RNLS: variants seen among roughly 807,000 people sequenced by gnomAD.
The protein encoded by RNLS is renalase.
A neutral mutation model predicts 39.8 loss-of-function variants in RNLS; 39 were observed. The observed-to-expected ratio is 0.98, with a 90% CI of 0.76 to 1.28. RNLS has a LOEUF of 1.28. Ranked by LOEUF, RNLS falls within the 50% of genes most tolerant of loss-of-function variation. The pLI, the probability that RNLS is intolerant of heterozygous loss-of-function variation, is 0.00. For synonymous variants in RNLS, 147 were observed against 150.7 expected (o/e 0.98, Z 0.18); for missense variants, 410 against 413.3 (o/e 0.99, Z 0.07).
intron 4 of RNLS, among the ~76,000 whole-genome samples, chr10:88,570,616 C>T (rs1400777157): frequency 2.0e-5 from 3 of 152,218 alleles, no homozygotes; most frequent in Non-Finnish European, 2.9e-5. Flanking sequence ...ATCCAAGATG[C>T]TGCAATTCCC....
intron 6 of RNLS, among the ~76,000 whole-genome samples, chr10:88,309,909 G>T (rs143694651): frequency 1.3e-5 from 2 of 152,244 alleles, no homozygotes; most frequent in African/African-American, 4.8e-5. Flanking sequence ...GTAAAGATTG[G>T]AGTTATTTTA....
chr10:88,418,302 G>C (rs927204073), intron 4 of RNLS, among the ~76,000 whole-genome samples: 1 of 152,042 alleles, frequency 6.6e-6, no homozygotes, highest in Non-Finnish European at 1.5e-5. Flanking sequence ...AAAGCTCAGA[G>C]GTAAAATGAC....
chr10:88,292,297 G>C (rs1843725188), intron 6 of RNLS, among the ~76,000 whole-genome samples: 1 of 150,620 alleles, frequency 6.6e-6, no homozygotes, highest in South Asian at 2.1e-4. Context: ...ATATCTTTGT[G>C]GTTTCACCAT....
chr10:88,254,049 A>G, the RNLS span, among the ~76,000 whole-genome samples: 1 of 152,238 alleles, frequency 6.6e-6, no homozygotes, highest in Non-Finnish European at 1.5e-5. Context: ...TGATCATAAT[A>G]TATATGCAAT....
chr10:88,464,913 G>C (rs1214226781), intron 4 of RNLS, among the ~76,000 whole-genome samples: 2 of 152,018 alleles, frequency 1.3e-5, no homozygotes, highest in African/African-American at 4.8e-5. Flanking sequence ...GACATCAGTG[G>C]GCCTGTTTAT....
intron 6 of RNLS, among the ~76,000 whole-genome samples, chr10:88,291,261 A>C (rs558663656): frequency 6.6e-6 from 1 of 152,174 alleles, no homozygotes; most frequent in Non-Finnish European, 1.5e-5. Context: ...AGGACTTCTA[A>C]TGTCTTTAGC....
chr10:88,312,596 T>C (rs1845457070), intron 6 of RNLS, among the ~76,000 whole-genome samples: 1 of 152,178 alleles, frequency 6.6e-6, no homozygotes, highest in African/African-American at 2.4e-5. Flanking sequence ...CTGTGGGGAT[T>C]GAAGGAAGTT....
chr10:88,187,562 G>A, the RNLS span, among the ~76,000 whole-genome samples: 1 of 152,114 alleles, frequency 6.6e-6, no homozygotes, highest in Non-Finnish European at 1.5e-5. Context: ...TTGTCATGGT[G>A]GCCTTGAAAG....
At chr10:88,205,523 T>C in the RNLS span, among the ~76,000 whole-genome samples, 13 of 152,160 alleles carry the variant, frequency 8.5e-5, no homozygotes, top group Non-Finnish European at 1.5e-4. Flanking sequence ...CTTGGATTAG[T>C]TGCAAGAATC....
At chr10:88,577,199 A>G (rs75563594) in intron 3 of RNLS, among the ~76,000 whole-genome samples, 1 of 152,310 alleles carries the variant, frequency 6.6e-6, no homozygotes, top group East Asian at 1.9e-4. Context: ...CTAGGGGCAC[A>G]GGGAACTATG....
At chr10:88,522,658 A>G (rs776481730) in intron 4 of RNLS, among the ~76,000 whole-genome samples, 4 of 152,110 alleles carry the variant, frequency 2.6e-5, no homozygotes, top group Non-Finnish European at 5.9e-5. Flanking sequence ...CCCACAAACT[A>G]AAAATTTCTC....
At chr10:88,411,049 A>G (rs1036833313) in intron 4 of RNLS, among the ~76,000 whole-genome samples, 1 of 152,138 alleles carries the variant, frequency 6.6e-6, no homozygotes, top group Non-Finnish European at 1.5e-5. Context: ...CTAAATTCTC[A>G]TGATTCCACA....
chr10:88,205,548 G>T, the RNLS span, among the ~76,000 whole-genome samples: 4 of 152,034 alleles, frequency 2.6e-5, no homozygotes, highest in African/African-American at 9.7e-5. Flanking sequence ...GCTTCACTTT[G>T]GACTGTGATG....
At chr10:88,456,320 G>T (rs1842625354) in intron 4 of RNLS, among the ~76,000 whole-genome samples, 1 of 150,126 alleles carries the variant, frequency 6.7e-6, no homozygotes, top group Non-Finnish European at 1.5e-5. Context: ...TTATATATAT[G>T]ATATATTTTA....
chr10:88,568,399 C>T (rs2134423684), intron 4 of RNLS, among the ~76,000 whole-genome samples: 1 of 152,162 alleles, frequency 6.6e-6, no homozygotes, highest in Middle Eastern at 3.4e-3. Context: ...TAATTACAGA[C>T]ATTGATAATG....
At chr10:88,258,685 C>G in the RNLS span, among the ~76,000 whole-genome samples, 6 of 152,152 alleles carry the variant, frequency 3.9e-5, no homozygotes, top group Admixed American at 1.3e-4. Context: ...AAGTTGCAGC[C>G]ACAGGATGAG....
At chr10:88,302,820 C>A (rs992444513) in intron 6 of RNLS, among the ~76,000 whole-genome samples, 1 of 152,086 alleles carries the variant, frequency 6.6e-6, no homozygotes, top group African/African-American at 2.4e-5. Context: ...CTTCCAGTTC[C>A]AACTCATCTA....
the RNLS span, among the ~76,000 whole-genome samples, chr10:88,265,063 A>G: frequency 2.3e-3 from 349 of 152,200 alleles, 3 homozygotes; most frequent in Non-Finnish European, 4.3e-3. Flanking sequence ...TGGCTTGCCA[A>G]TTAGCCCAGC....
chr10:88,356,025 G>A (rs61855396), intron 5 of RNLS, among the ~76,000 whole-genome samples: 39,082 of 152,134 alleles, frequency 0.26, 5,333 homozygotes, highest in Admixed American at 0.31. Flanking sequence ...ATCCTTGCGC[G>A]GGATATAATC....
Sources: gnomAD v4.1 joint callset for allele counts (sites outside exome capture counted in the v4.1 genomes callset) on GRCh38, gnomAD v4.1.1 for gene constraint, MANE v1.5 for transcripts, NCBI Gene and HGNC (gene_info 2026-07-23, HGNC 2026-07-21) for gene names.